The following FANCC variants were observed in gnomAD, a reference collection of about 807,000 sequenced individuals.
FANCC encodes the protein Fanconi anemia group C protein.
In FANCC, 55 loss-of-function variants were observed where a neutral mutation model predicts 71.3. The ratio of observed to expected loss-of-function variants is 0.77; its 90% CI spans 0.62 to 0.97. FANCC has a LOEUF of 0.97. Among genes scored for constraint, FANCC ranks in the 50% least tolerant of loss-of-function variants. The pLI, the probability that FANCC is intolerant of heterozygous loss-of-function variation, is 0.00. For synonymous variants in FANCC, 275 were observed against 244.9 expected (o/e 1.12, Z -1.15); for missense variants, 678 against 670.9 (o/e 1.01, Z -0.12).
chr9:95,311,744 T>TGA (rs1554875379), intron 1 of FANCC, among the ~76,000 whole-genome samples: 2 of 150,880 alleles, frequency 1.3e-5, no homozygotes, highest in Non-Finnish European at 3.0e-5. Context: ...TGTGTGTGTG[T>TGA]GAAAAACCGC....
chr9:95,111,512 G>A lies in FANCC; in HGVS notation c.1280C>T (p.Ala427Val). The A allele has an allele frequency of 1.2e-6, 2 of 1,614,052 alleles. No individual in the cohort carries two copies. Among genetic ancestry groups the A allele is most frequent in the African/African-American group, 1.3e-5 (1 of 75,056 alleles). ...CCCATCACGGGGGCCGTAGTAGAAGGCCAAGAGCCACAGCAGGGCCGTGGG... is the reference window on the plus strand; with the variant it reads ...CCCATCACGGGGGCCGTAGTAGAAGACCAAGAGCCACAGCAGGGCCGTGGG... The part of the protein sequence containing the change: ...EPPTALLWLL[A>V]FYYGPRDGRQ... The change falls in exon 13 of 15, where the codon GCC (alanine) becomes GTC (valine). Residue 427 changes from alanine (A) to valine (V), a missense_variant. By Grantham distance (64) the Ala-to-Val change is moderately conservative. Transcript: ENST00000289081.
chr9:95,265,390 A>G (rs979527059), intron 1 of FANCC, among the ~76,000 whole-genome samples: 4 of 152,154 alleles, frequency 2.6e-5, no homozygotes, highest in Non-Finnish European at 5.9e-5. Flanking sequence ...GAGAGGAGCT[A>G]TTCTCTGGAC....
chr9:95,190,157 C>G, intron 4 of FANCC, among the ~76,000 whole-genome samples: 1 of 152,096 alleles, frequency 6.6e-6, no homozygotes, highest in East Asian at 1.9e-4. Flanking sequence ...TACAAGCTCA[C>G]CTGCACACGC....
At position 95,111,638 on chromosome 9, in the gene FANCC, C is replaced by G. The variant is rs1554829575; in HGVS notation, c.1155-1G>C. The G allele has an allele frequency of 1.9e-6, 3 of 1,614,134 alleles. No individual in the cohort carries two copies. The highest frequency in any genetic ancestry group is 2.5e-6 in the Non-Finnish European group (3 of 1,180,046). ...GCTCTCAAAGGGACCTCCGCAGGAC[C>G]TGGAACAGAGGCAGAACACATGGCA... On this transcript the variant is annotated splice_acceptor_variant, in intron 12 of 14. Transcript: ENST00000289081. LOFTEE classifies it high-confidence loss of function.
intron 1 of FANCC, among the ~76,000 whole-genome samples, chr9:95,267,245 C>A (rs1394698977): frequency 1.3e-5 from 2 of 152,166 alleles, no homozygotes; most frequent in Non-Finnish European, 2.9e-5. Context: ...TAGAGCCCTA[C>A]CCCTCCATGC....
At chr9:95,103,639 G>A (rs1261758822) in intron 14 of FANCC, among the ~76,000 whole-genome samples, 1 of 152,218 alleles carries the variant, frequency 6.6e-6, no homozygotes, top group African/African-American at 2.4e-5. Context: ...AGAGAGGCAG[G>A]AGAACCGCAG....
intron 4 of FANCC, among the ~76,000 whole-genome samples, chr9:95,175,677 G>A (rs1017157405): frequency 2.0e-5 from 3 of 152,228 alleles, no homozygotes; most frequent in Admixed American, 6.5e-5. Context: ...TGCCAGCTGC[G>A]CTTACTGCTG....
intron 7 of FANCC, among the ~76,000 whole-genome samples, chr9:95,136,829 T>C (rs1588138638): frequency 6.6e-6 from 1 of 152,118 alleles, no homozygotes; most frequent in Non-Finnish European, 1.5e-5. Context: ...AAGGAACATA[T>C]ATTAAGGTCC....
chr9:95,305,343 G>A (rs1007720146), intron 1 of FANCC, among the ~76,000 whole-genome samples: 1 of 152,062 alleles, frequency 6.6e-6, no homozygotes, highest in Non-Finnish European at 1.5e-5. Context: ...ATGACTATAT[G>A]GCCAAAATGA....
chr9:95,159,588 G>C (rs933956666), intron 6 of FANCC, among the ~76,000 whole-genome samples: 10 of 152,212 alleles, frequency 6.6e-5, no homozygotes, highest in African/African-American at 2.4e-4. Flanking sequence ...TCTAGTTCTA[G>C]ATGCTTGAGG....
At chr9:95,233,725 A>G (rs895780564) in intron 4 of FANCC, among the ~76,000 whole-genome samples, 1 of 152,370 alleles carries the variant, frequency 6.6e-6, no homozygotes, top group Middle Eastern at 3.4e-3. Flanking sequence ...ACTGGTTAAT[A>G]AAGTTGGGGT....
intron 4 of FANCC, among the ~76,000 whole-genome samples, chr9:95,184,514 T>C (rs1461662209): frequency 6.6e-6 from 1 of 152,018 alleles, no homozygotes; most frequent in Admixed American, 6.6e-5. Context: ...GCAAAGAAGA[T>C]TCGTGTTACA....
chr9:95,237,839 A>G (rs1830411470), intron 4 of FANCC, among the ~76,000 whole-genome samples: 1 of 152,242 alleles, frequency 6.6e-6, no homozygotes, highest in East Asian at 1.9e-4. Context: ...CATGAAAAAG[A>G]TTATAAATAA....
chr9:95,125,255 A>T, intron 9 of FANCC, 70 bp from the exon 10 acceptor site: 1 of 1,261,216 alleles, frequency 7.9e-7, no homozygotes, highest in East Asian at 2.3e-5. Context: ...CCTGCACTGT[A>T]TAAGGGAAAA....
At chr9:95,185,946 A>C (rs1476567884) in intron 4 of FANCC, among the ~76,000 whole-genome samples, 2 of 152,256 alleles carry the variant, frequency 1.3e-5, no homozygotes, top group African/African-American at 4.8e-5. Context: ...GCCAAGTCTA[A>C]TTAATTTTTT....
chr9:95,195,919 A>G (rs1827426199), intron 4 of FANCC, among the ~76,000 whole-genome samples: 1 of 152,192 alleles, frequency 6.6e-6, no homozygotes, highest in Admixed American at 6.5e-5. Flanking sequence ...CATTGATAGT[A>G]TACGGAGATG....
At chr9:95,160,819 GCTCT>G (rs1416306457) in intron 6 of FANCC, among the ~76,000 whole-genome samples, 23 of 152,142 alleles carry the variant, frequency 1.5e-4, no homozygotes, top group Non-Finnish European at 2.2e-4. Context: ...TCATGATTTG[GCTCT>G]CTGTTTGTCT....
chr9:95,257,246 C>T (rs908231669), intron 1 of FANCC, among the ~76,000 whole-genome samples: 8 of 152,226 alleles, frequency 5.3e-5, no homozygotes, highest in African/African-American at 1.7e-4. Context: ...TTCTCAGAAC[C>T]ACATCACACT....
chr9:95,219,168 T>G (rs548016806), intron 4 of FANCC, among the ~76,000 whole-genome samples: 1 of 152,140 alleles, frequency 6.6e-6, no homozygotes, highest in African/African-American at 2.4e-5. Flanking sequence ...GCAAGTTCTG[T>G]AGTGCATGAA....
Sources: allele counts gnomAD v4.1 joint callset (sites outside exome capture counted in the v4.1 genomes callset), GRCh38; gene constraint gnomAD v4.1.1; transcripts MANE v1.5; gene names NCBI Gene and HGNC (gene_info 2026-07-23, HGNC 2026-07-21).